Variants in MORC1 observed in about 807,000 individuals in gnomAD.
MORC1 encodes the protein MORC family CW-type zinc finger protein 1.
A neutral mutation model predicts 134.9 loss-of-function variants in MORC1; 59 were observed. The observed-to-expected ratio is 0.44, with a 90% CI of 0.35 to 0.54. The LOEUF is 0.54. MORC1 is among the 20% of genes least tolerant of loss of function. The pLI is 0.00. For missense variants in MORC1, 947 were observed against 1,134.5 expected, an observed-to-expected ratio of 0.83 and a Z score of 2.37; for synonymous variants, 395 against 391.7, an observed-to-expected ratio of 1.01 and a Z score of -0.10.
At chr3:109,024,285 C>A (rs75953750) in intron 17 of MORC1, among the ~76,000 whole-genome samples, 2 of 152,086 alleles carry the variant, frequency 1.3e-5, no homozygotes, top group African/African-American at 4.8e-5. Flanking sequence ...TTTAAAGTTA[C>A]GTGCTTTGAT....
At chr3:109,002,372 A>G (rs1321076250) in intron 20 of MORC1, among the ~76,000 whole-genome samples, 2 of 152,314 alleles carry the variant, frequency 1.3e-5, no homozygotes, top group Admixed American at 1.3e-4. Flanking sequence ...AGCCTCCTCC[A>G]TCAGCCAATG....
intron 13 of MORC1, 139 bp from the exon 14 acceptor site, chr3:109,055,021 G>C: frequency 1.3e-6 from 1 of 755,696 alleles, no homozygotes; most frequent in Non-Finnish European, 2.1e-6. Flanking sequence ...AGTTTAACAA[G>C]TTAGCTAATT....
At chr3:109,014,215 C>G (rs1948763505) in intron 17 of MORC1, among the ~76,000 whole-genome samples, 1 of 152,180 alleles carries the variant, frequency 6.6e-6, no homozygotes, top group Admixed American at 6.5e-5. Context: ...TAACACTTTA[C>G]CTACCTTTAT....
chr3:109,044,197 G>A (rs1476556750), intron 14 of MORC1, among the ~76,000 whole-genome samples: 2 of 152,002 alleles, frequency 1.3e-5, no homozygotes, highest in Non-Finnish European at 2.9e-5. Context: ...AGCTATGTAT[G>A]GAATACTTTA....
chr3:109,064,562 A>T (rs1305763304), intron 9 of MORC1, among the ~76,000 whole-genome samples: 1 of 151,228 alleles, frequency 6.6e-6, no homozygotes, highest in Non-Finnish European at 1.5e-5. Context: ...AAAATCAAAT[A>T]TAGTATTTTA....
chr3:109,108,336 C>T (rs925887305), intron 3 of MORC1, among the ~76,000 whole-genome samples: 1 of 152,200 alleles, frequency 6.6e-6, no homozygotes, highest in African/African-American at 2.4e-5. Flanking sequence ...CCCCAAAGAA[C>T]ATAATGCGTG....
intron 8 of MORC1, among the ~76,000 whole-genome samples, chr3:109,075,725 G>A (rs950073035): frequency 3.3e-5 from 5 of 152,096 alleles, no homozygotes; most frequent in African/African-American, 9.7e-5. Context: ...TTTGAAGTCA[G>A]GTAGCATGAT....
intron 7 of MORC1, among the ~76,000 whole-genome samples, chr3:109,094,365 T>C (rs1950788594): frequency 6.6e-6 from 1 of 152,212 alleles, no homozygotes. Flanking sequence ...GAACATGGGC[T>C]AAATGGCTGT....
chr3:109,054,914 A>C, intron 13 of MORC1, 32 bp from the exon 14 acceptor site: 1 of 1,563,556 alleles, frequency 6.4e-7, no homozygotes, highest in Non-Finnish European at 8.6e-7. Context: ...TAAATTTTGA[A>C]AATTTGGCTA....
intron 8 of MORC1, among the ~76,000 whole-genome samples, chr3:109,082,742 TA>T (rs992008313): frequency 2.0e-5 from 3 of 149,044 alleles, no homozygotes; most frequent in South Asian, 2.1e-4. Flanking sequence ...GAGCAAAAAG[TA>T]AAAAAAAATG....
rs1948502138 is a variant in MORC1 at position 109,004,961 on chromosome 3, A to G, written c.2014-73T>C. On this transcript the variant is annotated intron_variant, in intron 19 of 27. Coordinates refer to ENST00000232603, the MANE Select transcript of MORC1 (RefSeq NM_014429.4). The stretch of plus-strand genomic sequence containing the variant: ...GTCCAGGAAACACAGATTGCAATGT[A>G]TATTTTATAATTAAAGTGTCTTAAA... 11 of 1,575,708 alleles carry G rather than the reference A, an allele frequency of 7.0e-6. 1 individual carries two copies. The South Asian group carries it at 1.3e-4, about 18-fold the overall frequency.
intron 14 of MORC1, among the ~76,000 whole-genome samples, chr3:109,048,306 GT>G (rs530743163): frequency 2.0e-5 from 3 of 152,102 alleles, no homozygotes; most frequent in Non-Finnish European, 4.4e-5. Context: ...TAACTTTTAG[GT>G]AATGATATTT....
At chr3:109,033,998 T>A (rs1162761176) in intron 15 of MORC1, among the ~76,000 whole-genome samples, 3 of 152,194 alleles carry the variant, frequency 2.0e-5, no homozygotes, top group African/African-American at 7.2e-5. Flanking sequence ...CTGTTATCCA[T>A]TATTATTAGC....
Position 109,067,309 on chromosome 3 carries a change from T to C in MORC1, c.815+2323A>G, listed in dbSNP as rs980620232. On this transcript the variant is annotated intron_variant, in intron 9 of 27. Transcript: ENST00000232603. ...TATTATATAAACAATATTTTAAGACTCCAAGAATTATAGACTTATAAAATG... is the reference window on the plus strand; with the variant it reads ...TATTATATAAACAATATTTTAAGACCCCAAGAATTATAGACTTATAAAATG... Among the ~76,000 whole-genome samples, 3 of 152,132 alleles carry C rather than the reference T, an allele frequency of 2.0e-5. No homozygotes were observed. In the East Asian group the frequency reaches 5.8e-4, roughly 29 times the overall value.
intron 23 of MORC1, among the ~76,000 whole-genome samples, chr3:108,982,822 C>T (rs1269965958): frequency 6.6e-6 from 1 of 151,868 alleles, no homozygotes; most frequent in Non-Finnish European, 1.5e-5. Context: ...TCGTTAAGGC[C>T]CCTTTCCAGT....
At chr3:108,971,803 G>GAGGAAGGAAGGA (rs370029015) in intron 24 of MORC1, among the ~76,000 whole-genome samples, 11 of 142,430 alleles carry the variant, frequency 7.7e-5, no homozygotes, top group Non-Finnish European at 1.7e-4. Context: ...GTTACTGAAA[G>GAGGAAGGAAGGA]AGGAAGGAAG....
intron 21 of MORC1, among the ~76,000 whole-genome samples, chr3:108,995,746 G>A (rs1948183959): frequency 6.6e-6 from 1 of 152,088 alleles, no homozygotes; most frequent in Admixed American, 6.5e-5. Flanking sequence ...GGAGGGAAAC[G>A]GGCTAAAGAG....
At chr3:109,101,709 A>G (rs760915688) in intron 4 of MORC1, 2 of 152,252 alleles carry the variant, frequency 1.3e-5, no homozygotes, top group Non-Finnish European at 2.9e-5. Context: ...GCTAGGTACT[A>G]TGTTTATACT....
intron 17 of MORC1, among the ~76,000 whole-genome samples, chr3:109,011,153 T>G (rs1198500311): frequency 1.3e-5 from 2 of 152,218 alleles, no homozygotes; most frequent in African/African-American, 2.4e-5. Context: ...AGTTTGAGAC[T>G]GCTGTGAGCT....
Sources: allele counts gnomAD v4.1 joint callset (sites outside exome capture counted in the v4.1 genomes callset), GRCh38; gene constraint gnomAD v4.1.1; transcripts MANE v1.5; gene names NCBI Gene and HGNC (gene_info 2026-07-23, HGNC 2026-07-21).